CACNA1H: variants seen among roughly 807,000 people sequenced by gnomAD.
CACNA1H encodes calcium voltage-gated channel subunit alpha1 H, also known as voltage-dependent T-type calcium channel subunit alpha-1H.
In CACNA1H, 149 loss-of-function variants were observed where a neutral mutation model predicts 192.5. That is an observed-to-expected ratio of 0.77 (90% CI 0.68 to 0.89). The LOEUF is 0.89. Ranked by LOEUF, CACNA1H falls within the 40% of genes least tolerant of loss-of-function variation. CACNA1H has a pLI of 0.00. For synonymous variants in CACNA1H, 2,202 were observed against 1,475.2 expected (o/e 1.49, Z -11.29); for missense variants, 4,257 against 3,423.5 (o/e 1.24, Z -6.08).
intron 18 of CACNA1H, 22 bp from the exon 19 acceptor site, chr16:1,210,348 T>TCCCCCCCCCCCCCCCCCC: frequency 1.4e-5 from 4 of 277,472 alleles, no homozygotes; most frequent in Non-Finnish European, 1.9e-5. Flanking sequence ...GCCCCACCTC[T>TCCCCCCCCCCCCCCCCCC]CACCCGCCCC....
At chr16:1,205,996 C>A in intron 11 of CACNA1H, 108 bp from the exon 12 acceptor site, 1 of 1,037,798 alleles carries the variant, frequency 9.6e-7, no homozygotes, top group Non-Finnish European at 1.4e-6. Context: ...CTGTGGGATG[C>A]AGCACAGGCC....
At chr16:1,198,197 GC>G (rs1049844233) in intron 5 of CACNA1H, among the ~76,000 whole-genome samples, 5 of 152,130 alleles carry the variant, frequency 3.3e-5, no homozygotes, top group African/African-American at 1.2e-4. Context: ...AGCCTCGAGG[GC>G]CACTGGGCTC....
Position 1,204,184 on chromosome 16 carries a change from G to A in CACNA1H, c.2177G>A (p.Gly726Asp). ...GAAAGTGGAGACTCAGATGGCCGTG[G>A]CGTCTATGAATTCACGCAGGACGTC... ...GSESGDSDGRGVYEFTQDVRH... is the reference protein window; with the variant it reads ...GSESGDSDGRDVYEFTQDVRH... Residue 726 changes from glycine to aspartate, a missense_variant, in exon 10 of 35, where the codon GGC (glycine) becomes GAC (aspartate). By Grantham distance (94) the Gly-to-Asp change is moderately conservative. Transcript: ENST00000348261. 1 of 1,612,370 alleles carries A rather than the reference G, an allele frequency of 6.2e-7. No homozygotes were observed. The highest frequency in any genetic ancestry group is 8.5e-7 in the Non-Finnish European group (1 of 1,179,712).
chr16:1,172,121 G>A (rs993590648), intron 2 of CACNA1H, among the ~76,000 whole-genome samples: 3 of 152,158 alleles, frequency 2.0e-5, no homozygotes, highest in South Asian at 2.1e-4. Flanking sequence ...TGGGGTGGAC[G>A]GGGCCCCGGG....
At chr16:1,203,099 G>A (rs1318723838) in intron 9 of CACNA1H, among the ~76,000 whole-genome samples, 1 of 152,094 alleles carries the variant, frequency 6.6e-6, no homozygotes, top group African/African-American at 2.4e-5. Context: ...GGAGAGGTGC[G>A]AGCGAGGGTG....
chr16:1,210,001 G>A (rs367550269), intron 17 of CACNA1H, 34 bp from the exon 18 acceptor site: 77 of 1,499,924 alleles, frequency 5.1e-5, no homozygotes, highest in Admixed American at 3.6e-4. Context: ...GCAGGCAGGC[G>A]CAGGCTCTGA....
At position 1,206,732 on chromosome 16, in the gene CACNA1H, A is replaced by G. The variant is rs1596439559; in HGVS notation, c.2790-269A>G. On this transcript the variant is annotated intron_variant, in intron 12 of 34. Coordinates refer to ENST00000348261, the MANE Select transcript of CACNA1H (RefSeq NM_021098.3). ...GCAGGTGTCCCAGGTTCCAGTTGCC[A>G]CCCAAATCCAGAGTGGCTTCCCTCT... The G allele has an allele frequency of 2.3e-5, 11 of 480,738 alleles. No homozygotes were observed. In the South Asian group the frequency reaches 2.5e-4, roughly 11 times the overall value. 29.8% of individuals were successfully genotyped at this position (480,738 alleles called of 1,614,324 possible).
rs112986110 is a variant in CACNA1H at position 1,189,702 on chromosome 16, T to C, written c.300-5270T>C. 1.2e-3 allele frequency among the ~76,000 whole-genome samples: 186 copies of C among 152,122 alleles called. 2 individuals are homozygous for C. The highest frequency in any genetic ancestry group is 4.0e-3 in the African/African-American group (167 of 41,522). On this transcript the variant is annotated intron_variant, in intron 2 of 34. Coordinates refer to ENST00000348261, the MANE Select transcript of CACNA1H (RefSeq NM_021098.3). ...CCTCCCAAAGTGCTGGGATTATGGG[T>C]GTGAACCACCGGGCCCAGCCTGAGA...
At chr16:1,193,923 C>G (rs1175854711) in intron 2 of CACNA1H, among the ~76,000 whole-genome samples, 1 of 152,132 alleles carries the variant, frequency 6.6e-6, no homozygotes, top group African/African-American at 2.4e-5. Flanking sequence ...CCTGTGATCC[C>G]TGAGAGTTTG....
intron 2 of CACNA1H, among the ~76,000 whole-genome samples, chr16:1,165,262 C>T (rs796066236): frequency 5.9e-5 from 9 of 152,278 alleles, no homozygotes; most frequent in East Asian, 3.9e-4. Context: ...CCAGATGTAG[C>T]GTCACAGGAA....
rs777805727 is a variant in CACNA1H at position 1,212,524 on chromosome 16, C to A, written c.4773C>A (p.Ser1591Arg). The A allele has an allele frequency of 5.3e-5, 85 of 1,611,068 alleles. No homozygotes were observed. The South Asian group carries it at 7.9e-4, about 15-fold the overall frequency. The change falls in exon 26 of 35, where the codon AGC becomes AGA. Residue 1591 changes from serine to arginine, a missense_variant. Ser to Arg is a moderately radical substitution (Grantham distance 110). Coordinates refer to ENST00000348261, the MANE Select transcript of CACNA1H (RefSeq NM_021098.3). ...LERRRRSTFP[S>R]PEAQRRPYYA... ...TTGTCTTTCCAGGCACTTTCCCCAG[C>A]CCAGGTACCGGCCCTGTCCCGCATG...
intron 31 of CACNA1H, 104 bp downstream of exon 31, chr16:1,217,114 C>A: frequency 9.8e-7 from 1 of 1,025,384 alleles, no homozygotes. Context: ...TAGCGTGGGG[C>A]CTGATCAGGG....
Position 1,216,923 on chromosome 16 carries a change from C to T in CACNA1H, c.5245-9C>T. 5 of 1,598,308 alleles carry T rather than the reference C, an allele frequency of 3.1e-6. No homozygotes were observed. The highest frequency in any genetic ancestry group is 1.7e-4 in the Middle Eastern group (1 of 6,042). ...CCGTCTGACCCAGCTCTGCTTCTCTCTTGTGTAGGTGGGGAACCTGGGCCT... is the reference window on the plus strand; with the variant it reads ...CCGTCTGACCCAGCTCTGCTTCTCTTTTGTGTAGGTGGGGAACCTGGGCCT... On this transcript the variant is annotated splice_polypyrimidine_tract_variant and intron_variant, in intron 30 of 34. Coordinates refer to ENST00000348261, the MANE Select transcript of CACNA1H (RefSeq NM_021098.3).
chr16:1,202,152 G>T lies in CACNA1H; in HGVS notation c.1702G>T (p.Asp568Tyr). 1 of 1,550,318 alleles carries T rather than the reference G, an allele frequency of 6.5e-7. No homozygotes were observed. Among genetic ancestry groups the T allele is most frequent in the Non-Finnish European group, 8.7e-7 (1 of 1,147,372 alleles). The change falls in exon 9 of 35, where the codon GAC (aspartate) becomes TAC (tyrosine). Residue 568 changes from aspartate to tyrosine, a missense_variant. Transcript: ENST00000348261. ...SPPSPGRGPP[D>Y]AESVHSIYHA... is the part of the protein sequence containing the mutation. ...ACCTTCCCCAGGCCGCGGACCCCCC[G>T]ACGCAGAGTCTGTGCACAGCATCTA...
chr16:1,215,640 G>A (rs1274586904), intron 30 of CACNA1H, 47 bp downstream of exon 30: 4 of 1,537,184 alleles, frequency 2.6e-6, no homozygotes, highest in Non-Finnish European at 3.6e-6. Flanking sequence ...CGGAAGACGG[G>A]GTTGCAGGGA....
rs965346539 is a variant in CACNA1H, at chr16:1,167,415, C to T, written c.299+13379C>T. ...GCGTGTGTGTTTGCACGGCATCCAT[C>T]CCTCCATCCGTCCTCTGGAGAATTT... On this transcript the variant is annotated intron_variant, in intron 2 of 34. Coordinates refer to ENST00000348261, the MANE Select transcript of CACNA1H (RefSeq NM_021098.3). This position sits in a 1 kb window ranked among gnomAD's most constrained non-coding sequence, Gnocchi z 4.2. Among the ~76,000 whole-genome samples the T allele has an allele frequency of 2.6e-5, 4 of 152,280 alleles. No individual in the cohort carries two copies. The highest frequency in any genetic ancestry group is 1.9e-4 in the East Asian group (1 of 5,170).
At chr16:1,195,230 G>T in intron 3 of CACNA1H, 147 bp downstream of exon 3, 4 of 895,124 alleles carry the variant, frequency 4.5e-6, no homozygotes, top group Middle Eastern at 6.9e-4. Context: ...TCACGGCGGG[G>T]CGCGAGGTGG....
chr16:1,153,182 C>A lies in CACNA1H; in HGVS notation c.-307C>A, dbSNP rs1226003513. 1 of 144,196 alleles carries A rather than the reference C, an allele frequency of 6.9e-6. No individual in the cohort carries two copies. The highest frequency in any genetic ancestry group is 2.5e-5 in the African/African-American group (1 of 40,000). The allele number at this position is 144,196 out of a possible 1,614,324, so 8.9% of individuals were successfully genotyped here. A position where few individuals can be genotyped will look rare whatever the true frequency, so the allele number is the denominator to read the frequency against. ...CCTCACCGGTCCCCGGCCCGCGCCCCGCGCCCCGCGCCCCGCGCCCCGGCC... is the reference window on the plus strand; with the variant it reads ...CCTCACCGGTCCCCGGCCCGCGCCCAGCGCCCCGCGCCCCGCGCCCCGGCC... On this transcript the variant is annotated 5_prime_UTR_variant, in exon 1 of 35. Coordinates refer to ENST00000348261, the MANE Select transcript of CACNA1H (RefSeq NM_021098.3).
chr16:1,206,329 C>T (rs765772738), intron 12 of CACNA1H, 40 bp downstream of exon 12: 1 of 1,531,694 alleles, frequency 6.5e-7, no homozygotes. Context: ...AGTGTCTCAC[C>T]CCAGGGCAGC....
Sources: allele counts gnomAD v4.1 joint callset (sites outside exome capture counted in the v4.1 genomes callset), GRCh38; gene constraint gnomAD v4.1.1; non-coding constraint Gnocchi (gnomAD v3.1); transcripts MANE v1.5; gene names NCBI Gene and HGNC (gene_info 2026-07-23, HGNC 2026-07-21).